The following NBAS variants were observed in gnomAD, a reference collection of about 807,000 sequenced individuals.
NBAS encodes NBAS subunit of NRZ tethering complex.
In NBAS, 219 loss-of-function variants were observed where a neutral mutation model predicts 302.5. The ratio of observed to expected loss-of-function variants is 0.72; its 90% confidence interval spans 0.65 to 0.81. The LOEUF is 0.81. Among genes scored for constraint, NBAS ranks in the 30% least tolerant of loss-of-function variants. NBAS has a pLI of 0.00. For missense variants in NBAS, 2,932 were observed against 2,841.6 expected (o/e 1.03, Z -0.72); for synonymous variants, 1,118 against 1,021.6 (o/e 1.09, Z -1.80).
the NBAS span, among the ~76,000 whole-genome samples, chr2:14,834,905 A>G: frequency 6.6e-6 from 1 of 152,136 alleles, no homozygotes; most frequent in African/African-American, 2.4e-5. Flanking sequence ...TACACTAGAG[A>G]AAGGCAACAC....
At chr2:15,023,201 C>T in the NBAS span, among the ~76,000 whole-genome samples, 1 of 152,096 alleles carries the variant, frequency 6.6e-6, no homozygotes, top group East Asian at 1.9e-4. Flanking sequence ...TTTTCTCATT[C>T]AATAATAATT....
chr2:15,041,320 G>A, the NBAS span, among the ~76,000 whole-genome samples: 1 of 152,216 alleles, frequency 6.6e-6, no homozygotes, highest in African/African-American at 2.4e-5. Flanking sequence ...CAAGGGAGTC[G>A]GTAGCCACAG....
intron 48 of NBAS, among the ~76,000 whole-genome samples, chr2:15,194,391 G>A (rs1665510818): frequency 6.6e-6 from 1 of 152,100 alleles, no homozygotes; most frequent in Admixed American, 6.6e-5. Flanking sequence ...CCAGAAGGAA[G>A]TGTCGCATTT....
the NBAS span, among the ~76,000 whole-genome samples, chr2:14,793,313 CA>C: frequency 6.6e-6 from 1 of 151,996 alleles, no homozygotes; most frequent in Non-Finnish European, 1.5e-5. Context: ...AATAATTCAA[CA>C]ATCTATTATA....
intron 35 of NBAS, among the ~76,000 whole-genome samples, chr2:15,347,848 T>C (rs567131548): frequency 7.2e-5 from 11 of 152,322 alleles, no homozygotes; most frequent in Middle Eastern, 3.4e-3. Flanking sequence ...TTTTGTTCTA[T>C]TTATAGACAA....
chr2:15,517,248 G>C (rs1363613757), intron 9 of NBAS, among the ~76,000 whole-genome samples: 1 of 152,050 alleles, frequency 6.6e-6, no homozygotes, highest in Non-Finnish European at 1.5e-5. Flanking sequence ...TCTTCACCCA[G>C]GTAATAAGCA....
the NBAS span, among the ~76,000 whole-genome samples, chr2:15,034,027 G>GAAGA: frequency 0.058 from 3,687 of 63,710 alleles, 265 homozygotes; most frequent in East Asian, 0.14. Flanking sequence ...AGAAGAAGAA[G>GAAGA]AGGAGGAGGA....
chr2:15,473,274 T>A lies in NBAS; in HGVS notation c.1673A>T (p.Gln558Leu). Residue 558 changes from glutamine (Q) to leucine (L), a missense_variant, in exon 16 of 52, where the codon CAG (glutamine) becomes CTG (leucine). By Grantham distance (113) the Gln-to-Leu change is moderately radical. Coordinates refer to ENST00000281513, the MANE Select transcript of NBAS (RefSeq NM_015909.4). ...GACCGCTGACTTCCTCCACTGCCTC[T>A]GATATACAAGGTCAGTATCCAGGCC... ...TYGLDTDLVY[Q>L]RQWRKSAVNV... The A allele has an allele frequency of 6.2e-7, 1 of 1,614,132 alleles. No homozygotes were observed. Among genetic ancestry groups the A allele is most frequent in the Non-Finnish European group, 8.5e-7 (1 of 1,179,982 alleles).
the NBAS span, among the ~76,000 whole-genome samples, chr2:15,156,833 T>C: frequency 6.6e-6 from 1 of 152,190 alleles, no homozygotes; most frequent in Non-Finnish European, 1.5e-5. Context: ...CAAACCCTAC[T>C]GAACATAATT....
At chr2:15,244,841 T>C (rs1026747528) in intron 44 of NBAS, among the ~76,000 whole-genome samples, 9 of 152,264 alleles carry the variant, frequency 5.9e-5, no homozygotes, top group African/African-American at 2.2e-4. Context: ...CTACCACACA[T>C]CTTATCCGCT....
the NBAS span, among the ~76,000 whole-genome samples, chr2:15,143,679 T>C: frequency 2.6e-5 from 4 of 152,236 alleles, no homozygotes; most frequent in Non-Finnish European, 4.4e-5. Context: ...TCAACTTGAT[T>C]GGATTGAAAG....
chr2:15,018,444 T>C, the NBAS span, among the ~76,000 whole-genome samples: 1 of 151,982 alleles, frequency 6.6e-6, no homozygotes, highest in Admixed American at 6.6e-5. Flanking sequence ...TAAAATAATA[T>C]ATAATCAATT....
chr2:15,305,994 A>G (rs1252454094), intron 40 of NBAS, among the ~76,000 whole-genome samples: 1 of 152,248 alleles, frequency 6.6e-6, no homozygotes, highest in Non-Finnish European at 1.5e-5. Flanking sequence ...TCAAGTTTAC[A>G]ATAAGGTACT....
intron 48 of NBAS, among the ~76,000 whole-genome samples, chr2:15,208,774 C>T (rs756929180): frequency 4.6e-5 from 7 of 151,902 alleles, no homozygotes; most frequent in Non-Finnish European, 1.0e-4. Flanking sequence ...CATAACATAC[C>T]GAAACCTATA....
At chr2:15,383,338 G>T (rs771712589) in intron 28 of NBAS, 21 bp from the exon 29 acceptor site, 122 of 1,598,686 alleles carry the variant, frequency 7.6e-5, no homozygotes, top group Middle Eastern at 3.3e-4. Context: ...ACATAAAAAA[G>T]ACAAGGAAGA....
intron 21 of NBAS, among the ~76,000 whole-genome samples, chr2:15,455,878 C>A (rs768652797): frequency 2.9e-4 from 44 of 151,876 alleles, no homozygotes; most frequent in Non-Finnish European, 5.6e-4. Context: ...AGAAAAAGAG[C>A]AAAAATGAAA....
chr2:15,304,622 G>C (rs184595190), intron 40 of NBAS, among the ~76,000 whole-genome samples: 10 of 152,284 alleles, frequency 6.6e-5, no homozygotes, highest in Admixed American at 3.9e-4. Flanking sequence ...ATAGTGATAC[G>C]GACAATGAAG....
the NBAS span, among the ~76,000 whole-genome samples, chr2:14,878,448 AG>A: frequency 6.6e-6 from 1 of 152,162 alleles, no homozygotes; most frequent in East Asian, 1.9e-4. Context: ...GCTTACCAAA[AG>A]GAGCCATATC....
chr2:15,141,385 G>A, the NBAS span, among the ~76,000 whole-genome samples: 18 of 152,276 alleles, frequency 1.2e-4, no homozygotes, highest in East Asian at 2.5e-3. Flanking sequence ...CACAGCACCC[G>A]TTTTACAGAC....
Sources: allele counts gnomAD v4.1 joint callset (sites outside exome capture counted in the v4.1 genomes callset), GRCh38; gene constraint gnomAD v4.1.1; transcripts MANE v1.5; gene names NCBI Gene and HGNC (gene_info 2026-07-23, HGNC 2026-07-21).